The following PABIR3 variants were observed in gnomAD, a reference collection of about 807,000 sequenced individuals.
PABIR3 encodes PABIR family member 1.
In PABIR3, 20 loss-of-function variants were observed where a neutral mutation model predicts 23.1. The observed-to-expected ratio is 0.86, with a 90% confidence interval of 0.61 to 1.26. PABIR3 has a LOEUF of 1.26. PABIR3 is among the 50% of genes most tolerant of loss of function. PABIR3 has a pLI of 0.00. For missense variants in PABIR3, 189 were observed against 195.4 expected, an observed-to-expected ratio of 0.97 and a Z score of 0.20; for synonymous variants, 69 against 68.5, an observed-to-expected ratio of 1.01 and a Z score of -0.04.
At chrX:134,829,204 A>G (rs202184289) in intron 3 of PABIR3, 22 bp from the exon 4 acceptor site, 4 of 1,180,222 alleles carry the variant, frequency 3.4e-6, no homozygotes, top group Non-Finnish European at 4.6e-6. Context: ...AGCAAGCTTG[A>G]CTTCTATATT....
chrX:134,857,650 A>G (rs981512692), downstream of PABIR3, among the ~76,000 whole-genome samples: 4 of 111,264 alleles, frequency 3.6e-5, no homozygotes, highest in African/African-American at 6.5e-5. Context: ...ACAAGAGGTG[A>G]CTATAAAGCA....
chrX:134,835,787 A>C (rs774488388), intron 4 of PABIR3: 54 of 111,041 alleles, frequency 4.9e-4, no homozygotes, highest in African/African-American at 1.6e-3. Flanking sequence ...CCAACTAGCT[A>C]GGACTACAGG....
chrX:134,848,421 A>T (rs1456586460), intron 8 of PABIR3, among the ~76,000 whole-genome samples: 1 of 111,155 alleles, frequency 9.0e-6, no homozygotes, highest in Non-Finnish European at 1.9e-5. Flanking sequence ...GTTTCAGTTT[A>T]TCATTTTGTA....
intron 2 of PABIR3, among the ~76,000 whole-genome samples, chrX:134,808,737 G>T (rs1032202799): frequency 2.7e-5 from 3 of 111,077 alleles, no homozygotes; most frequent in African/African-American, 9.8e-5. Context: ...GGCTGGTCTC[G>T]AACTCCTGGC....
intron 1 of PABIR3, among the ~76,000 whole-genome samples, chrX:134,798,091 G>A (rs1221308677): frequency 3.6e-5 from 4 of 111,917 alleles, no homozygotes; most frequent in African/African-American, 1.3e-4. Context: ...AAAGTGCTGG[G>A]ATTACAGGCA....
intron 6 of PABIR3, among the ~76,000 whole-genome samples, chrX:134,846,314 G>A (rs1175456382): frequency 8.9e-6 from 1 of 111,872 alleles, no homozygotes; most frequent in Non-Finnish European, 1.9e-5. Flanking sequence ...GATGAGATTT[G>A]AGTGGGGACA....
At chrX:134,829,713 T>G (rs2081676896) in intron 4 of PABIR3, among the ~76,000 whole-genome samples, 1 of 112,134 alleles carries the variant, frequency 8.9e-6, no homozygotes, top group African/African-American at 3.2e-5. Context: ...TGGTTTATAT[T>G]TTGTGCCCAT....
intron 8 of PABIR3, among the ~76,000 whole-genome samples, chrX:134,848,265 CTG>C (rs2082502774): frequency 9.1e-6 from 1 of 109,806 alleles, no homozygotes; most frequent in African/African-American, 3.3e-5. Flanking sequence ...TGGTGCATGT[CTG>C]TAATCCCAGC....
intron 3 of PABIR3, among the ~76,000 whole-genome samples, chrX:134,821,088 G>GTATATA (rs532535490): frequency 0.035 from 3,409 of 96,765 alleles, 48 homozygotes; most frequent in African/African-American, 0.048. Flanking sequence ...GTGTGTGTGT[G>GTATATA]TATATATATA....
At chrX:134,811,803 A>C (rs2080686572) in intron 2 of PABIR3, among the ~76,000 whole-genome samples, 1 of 111,704 alleles carries the variant, frequency 9.0e-6, no homozygotes, top group Non-Finnish European at 1.9e-5. Context: ...TTTGCAAATA[A>C]AATTTTATTG....
chrX:134,848,246 C>T (rs1392710953), intron 8 of PABIR3, among the ~76,000 whole-genome samples: 1 of 109,934 alleles, frequency 9.1e-6, no homozygotes, highest in Non-Finnish European at 1.9e-5. Context: ...CAAAAATAGC[C>T]GGGCATGGTG....
intron 3 of PABIR3, among the ~76,000 whole-genome samples, chrX:134,821,092 A>G (rs932422501): frequency 2.3e-4 from 24 of 102,863 alleles, no homozygotes; most frequent in Non-Finnish European, 4.3e-4. Context: ...GTGTGTGTAT[A>G]TATATATATA....
At chrX:134,816,078 A>G (rs1302267957) in intron 3 of PABIR3, among the ~76,000 whole-genome samples, 1 of 112,239 alleles carries the variant, frequency 8.9e-6, no homozygotes, top group Non-Finnish European at 1.9e-5. Context: ...TTGTTCAATT[A>G]ATATGGTATA....
At chrX:134,849,042 A>G (rs1209655798) in intron 8 of PABIR3, 125 bp from the exon 9 acceptor site, 7 of 256,957 alleles carry the variant, frequency 2.7e-5, no homozygotes, top group Non-Finnish European at 4.7e-5. Flanking sequence ...AAAGCAGTAA[A>G]ATGATGTAAT....
chrX:134,851,220 G>A (rs767691988), intron 9 of PABIR3, among the ~76,000 whole-genome samples: 174 of 111,387 alleles, frequency 1.6e-3, no homozygotes, highest in African/African-American at 5.1e-3. Context: ...GTGAGAAGCA[G>A]CAGTGACTTC....
At chrX:134,836,572 T>A (rs2081982283) in intron 4 of PABIR3, among the ~76,000 whole-genome samples, 1 of 112,404 alleles carries the variant, frequency 8.9e-6, no homozygotes, top group East Asian at 2.8e-4. Context: ...TATCTTCATG[T>A]TCACATAGTG....
upstream of PABIR3, among the ~76,000 whole-genome samples, chrX:134,802,601 C>T (rs776208000): frequency 2.7e-5 from 3 of 112,388 alleles, no homozygotes; most frequent in African/African-American, 9.7e-5. Flanking sequence ...GGAGGTCTGG[C>T]TGTTTTTGCA....
intron 10 of PABIR3, among the ~76,000 whole-genome samples, chrX:134,853,217 A>C (rs1434715080): frequency 2.7e-5 from 3 of 110,659 alleles, no homozygotes; most frequent in African/African-American, 9.9e-5. Context: ...GTAGCTGTGC[A>C]CCACCGCGCC....
chrX:134,838,818 C>T (rs1296765005), intron 4 of PABIR3: 2 of 108,840 alleles, frequency 1.8e-5, no homozygotes, highest in Non-Finnish European at 3.7e-5. Context: ...CTCAGCCTGC[C>T]GAGTGCCTGC....
Sources: gnomAD v4.1 joint callset for allele counts (sites outside exome capture counted in the v4.1 genomes callset) on GRCh38, gnomAD v4.1.1 for gene constraint, MANE v1.5 for transcripts, NCBI Gene and HGNC (gene_info 2026-07-23, HGNC 2026-07-21) for gene names.